OSBP2: variants seen among roughly 807,000 people sequenced by gnomAD.
The protein encoded by OSBP2 is oxysterol binding protein 2.
OSBP2 carries 66 observed loss-of-function variants against 96.0 expected under a neutral mutation model. The observed-to-expected ratio is 0.69, with a 90% CI of 0.56 to 0.84. The LOEUF (loss-of-function observed/expected upper bound fraction) is 0.84. Ranked by LOEUF, OSBP2 falls within the 40% of genes least tolerant of loss-of-function variation. The probability of loss-of-function intolerance (pLI) is 0.00; values close to 1 mark genes in which losing one functional copy is unlikely to be tolerated. For synonymous variants in OSBP2, 525 were observed against 520.9 expected (o/e 1.01, Z -0.11); for missense variants, 1,038 against 1,222.7 (o/e 0.85, Z 2.25).
chr22:30,902,644 G>A (rs1252088467), intron 12 of OSBP2: 3 of 621,130 alleles, frequency 4.8e-6, no homozygotes, highest in South Asian at 3.3e-5. Context: ...CGACAGAGGA[G>A]GGAAGAGCAC....
At chr22:30,864,681 C>T (rs1434367960) in intron 2 of OSBP2, among the ~76,000 whole-genome samples, 1 of 152,136 alleles carries the variant, frequency 6.6e-6, no homozygotes, top group Non-Finnish European at 1.5e-5. Flanking sequence ...CAGGCCCCAC[C>T]GGCCTGTCCC....
intron 3 of OSBP2, chr22:30,872,277 A>T (rs1362868947): frequency 2.2e-6 from 1 of 456,656 alleles, no homozygotes; most frequent in South Asian, 1.5e-5. Context: ...GAATGACATA[A>T]TAATGCGTTT....
intron 1 of OSBP2, among the ~76,000 whole-genome samples, chr22:30,717,136 A>G (rs1248218073): frequency 7.5e-6 from 1 of 133,242 alleles, no homozygotes; most frequent in Non-Finnish European, 1.6e-5. Flanking sequence ...GTGTGTGTAG[A>G]GACAGGGTCT....
intron 2 of OSBP2, among the ~76,000 whole-genome samples, chr22:30,765,914 ATAT>A (rs2090264122): frequency 6.6e-6 from 1 of 152,216 alleles, no homozygotes; most frequent in African/African-American, 2.4e-5. Context: ...AGAAAATGGA[ATAT>A]AAGCGTGAAT....
intron 1 of OSBP2, among the ~76,000 whole-genome samples, chr22:30,697,743 G>A (rs957542692): frequency 1.4e-4 from 21 of 152,056 alleles, no homozygotes; most frequent in African/African-American, 3.9e-4. Context: ...TTTCCTTTTC[G>A]GACTTTTCGA....
rs762727484 is a variant in OSBP2, at chr22:30,893,987, G to T, written c.2361G>T (p.Lys787Asn). 2.5e-6 allele frequency: 4 copies of T among 1,596,388 alleles called. No homozygotes were observed. The South Asian group carries it at 4.5e-5, about 18-fold the overall frequency. ...YQTLSAKLLW[K>N]KYPLPENAEN... ...CCCTGTCAGCCAAGCTGCTGTGGAA[G>T]AAGTACCCGCTGCCGTGAGTAGGGC... The change falls in exon 12 of 14, where the codon AAG becomes AAT. Residue 787 changes from lysine to asparagine, a missense_variant. Lys to Asn is a moderately conservative substitution (Grantham distance 94). Transcript: ENST00000332585.
At chr22:30,702,387 G>T (rs1344848273) in intron 1 of OSBP2, among the ~76,000 whole-genome samples, 1 of 152,222 alleles carries the variant, frequency 6.6e-6, no homozygotes, top group Non-Finnish European at 1.5e-5. Context: ...GCTGAGGCAG[G>T]TGGGTCACCT....
intron 3 of OSBP2, among the ~76,000 whole-genome samples, chr22:30,885,292 A>G (rs1339192368): frequency 2.0e-5 from 3 of 152,088 alleles, no homozygotes; most frequent in Non-Finnish European, 4.4e-5. Context: ...GGGCCAAGGA[A>G]ACGTCCCTTC....
intron 2 of OSBP2, among the ~76,000 whole-genome samples, chr22:30,767,454 C>T (rs2090290280): frequency 6.6e-6 from 1 of 152,280 alleles, no homozygotes; most frequent in African/African-American, 2.4e-5. Flanking sequence ...CCATCCTCTT[C>T]CTCTGTCTCT....
chr22:30,723,363 C>G (rs1036165327), intron 1 of OSBP2, among the ~76,000 whole-genome samples: 1 of 149,288 alleles, frequency 6.7e-6, no homozygotes, highest in Non-Finnish European at 1.5e-5. Flanking sequence ...CCTCAGCCTC[C>G]CAAATTGCTG....
intron 2 of OSBP2, among the ~76,000 whole-genome samples, chr22:30,744,964 T>C (rs2089980207): frequency 6.6e-6 from 1 of 152,202 alleles, no homozygotes. Flanking sequence ...ATTGAGACTA[T>C]ATGAAGTATC....
At chr22:30,766,284 G>C (rs911615036) in intron 2 of OSBP2, among the ~76,000 whole-genome samples, 3 of 152,136 alleles carry the variant, frequency 2.0e-5, no homozygotes, top group African/African-American at 7.2e-5. Flanking sequence ...ACTAGTTTCT[G>C]TTTCTCTGGT....
At chr22:30,740,747 G>A (rs964864011) in intron 1 of OSBP2, among the ~76,000 whole-genome samples, 1 of 152,174 alleles carries the variant, frequency 6.6e-6, no homozygotes, top group African/African-American at 2.4e-5. Context: ...AAAGTGCTGA[G>A]ATTACAGGTG....
intron 3 of OSBP2, 47 bp from the exon 4 acceptor site, chr22:30,887,379 C>A: frequency 2.0e-6 from 3 of 1,526,720 alleles, no homozygotes; most frequent in Non-Finnish European, 2.7e-6. Context: ...GACAGATGGG[C>A]CCCTGCCAGA....
In OSBP2 at chr22:30,893,138, C is replaced by A. The variant is rs182014737; in HGVS notation, c.1886C>A (p.Pro629His). The A allele has an allele frequency of 5.9e-5, 95 of 1,614,058 alleles. No homozygotes were observed. Among genetic ancestry groups the A allele is most frequent in the Non-Finnish European group, 7.1e-5 (84 of 1,179,956 alleles). Residue 629 changes from proline to histidine, a missense_variant, in exon 9 of 14, where the codon CCC becomes CAC. By Grantham distance (77) the Pro-to-His change is moderately conservative (BLOSUM62 -2). This residue lies in a region of OSBP2 where 737 missense variants were observed against 913.3 expected (regional missense o/e 0.81). Transcript: ENST00000332585. ...SLCEQVSHHP[P>H]SAAHYVFSKH... ...TGGTCTCAGGTGAGCCACCACCCCCCCTCAGCTGCGCACTACGTGTTCTCC... is the reference window on the plus strand; with the variant it reads ...TGGTCTCAGGTGAGCCACCACCCCCACTCAGCTGCGCACTACGTGTTCTCC...
chr22:30,757,843 C>A (rs1176613282), intron 2 of OSBP2, among the ~76,000 whole-genome samples: 1 of 152,198 alleles, frequency 6.6e-6, no homozygotes, highest in African/African-American at 2.4e-5. Context: ...CCAGACCTGG[C>A]AGATGACTAA....
At chr22:30,832,445 C>T (rs1329488362) in intron 2 of OSBP2, among the ~76,000 whole-genome samples, 1 of 151,954 alleles carries the variant, frequency 6.6e-6, no homozygotes, top group Non-Finnish European at 1.5e-5. Flanking sequence ...CATGTGCCAC[C>T]ACACCTGGCT....
intron 2 of OSBP2, among the ~76,000 whole-genome samples, chr22:30,774,021 A>G (rs1228799986): frequency 6.6e-6 from 1 of 152,134 alleles, no homozygotes; most frequent in African/African-American, 2.4e-5. Flanking sequence ...TACCTATGCA[A>G]GATCAATGCT....
intron 2 of OSBP2, among the ~76,000 whole-genome samples, chr22:30,787,455 T>C (rs1258863603): frequency 6.6e-6 from 1 of 151,972 alleles, no homozygotes; most frequent in Non-Finnish European, 1.5e-5. Context: ...GGTGGATCAT[T>C]TGGGGTCAGG....
Sources: allele counts gnomAD v4.1 joint callset (sites outside exome capture counted in the v4.1 genomes callset), GRCh38; gene constraint gnomAD v4.1.1; regional missense constraint gnomAD v4.1.1; transcripts MANE v1.5; gene names NCBI Gene and HGNC (gene_info 2026-07-23, HGNC 2026-07-21).